CNIH3: variants seen among roughly 807,000 people sequenced by gnomAD.
CNIH3 encodes protein cornichon homolog 3.
CNIH3 carries 14 observed loss-of-function variants against 24.1 expected under a neutral mutation model. That is an observed-to-expected ratio of 0.58 (90% CI 0.38 to 0.91). The LOEUF is 0.91. CNIH3 is among the 40% of genes least tolerant of loss of function. CNIH3 has a pLI of 0.00. For synonymous variants in CNIH3, 68 were observed against 73.8 expected (o/e 0.92, Z 0.40); for missense variants, 178 against 196.8 (o/e 0.90, Z 0.57).
chr1:224,485,778 T>C (rs1677004840), intron 1 of CNIH3, among the ~76,000 whole-genome samples: 1 of 152,182 alleles, frequency 6.6e-6, no homozygotes. Flanking sequence ...CTTCTTTCTT[T>C]TAAAACTTTA....
At chr1:224,573,540 G>C (rs539528681) in intron 4 of CNIH3, among the ~76,000 whole-genome samples, 55 of 152,302 alleles carry the variant, frequency 3.6e-4, no homozygotes, top group African/African-American at 1.1e-3. Context: ...GTCCAAGAAA[G>C]GTCCTTTTCT....
intron 1 of CNIH3, chr1:224,661,175 G>T (rs1685333209): frequency 8.1e-6 from 2 of 246,612 alleles, no homozygotes; most frequent in South Asian, 1.4e-4. Flanking sequence ...TTGAATTCCT[G>T]GTTATCCAAG....
At chr1:224,641,331 C>T (rs1236202850) in intron 1 of CNIH3, among the ~76,000 whole-genome samples, 3 of 152,238 alleles carry the variant, frequency 2.0e-5, no homozygotes, top group Non-Finnish European at 4.4e-5. Context: ...CTAAGCTTGA[C>T]ATGTATGACT....
At chr1:224,478,895 G>A (rs377557657) in intron 1 of CNIH3, among the ~76,000 whole-genome samples, 28 of 152,122 alleles carry the variant, frequency 1.8e-4, no homozygotes, top group African/African-American at 5.8e-4. Flanking sequence ...AAGAGCTTGT[G>A]CAGAAAAACT....
intron 3 of CNIH3, among the ~76,000 whole-genome samples, chr1:224,561,053 C>G (rs1170320542): frequency 6.6e-6 from 1 of 152,150 alleles, no homozygotes; most frequent in Non-Finnish European, 1.5e-5. Flanking sequence ...GTTTGAGTTT[C>G]TTACCCTTTG....
chr1:224,642,252 G>A (rs1684398477), intron 1 of CNIH3, among the ~76,000 whole-genome samples: 1 of 152,010 alleles, frequency 6.6e-6, no homozygotes. Flanking sequence ...TTCCTTGAGG[G>A]TAGGGTCTTG....
At chr1:224,506,285 G>GCACACACACACA (rs61334962) in intron 1 of CNIH3, among the ~76,000 whole-genome samples, 39 of 143,720 alleles carry the variant, frequency 2.7e-4, no homozygotes, top group African/African-American at 1.0e-3. Flanking sequence ...GCGCGCGCGC[G>GCACACACACACA]CGCACACACA....
intron 1 of CNIH3, among the ~76,000 whole-genome samples, chr1:224,507,459 G>A (rs1030934894): frequency 7.2e-5 from 11 of 152,136 alleles, no homozygotes; most frequent in African/African-American, 2.7e-4. Context: ...TATTTTTAAG[G>A]TGATTAAAAT....
In CNIH3 at chr1:224,604,623, G is replaced by A. The variant is rs1682339792; in HGVS notation, n.402+38359G>A. Among the ~76,000 whole-genome samples, 1 of 152,230 alleles carries A rather than the reference G, an allele frequency of 6.6e-6. No individual in the cohort carries two copies. The highest frequency in any genetic ancestry group is 2.4e-5 in the African/African-American group (1 of 41,458). On this transcript the variant is annotated intron_variant and non_coding_transcript_variant, in intron 3 of 7. Coordinates refer to the CNIH3 transcript ENST00000478120. The surrounding 1 kb of genome is among the most constrained non-coding windows in gnomAD (Gnocchi z 4.4). ...ATGGGGCTCCCAGACTGTTTAGCTA[G>A]AGGAGAGCAGAAGGCCAGAGGTGAA...
intron 3 of CNIH3, among the ~76,000 whole-genome samples, chr1:224,686,321 A>G (rs1558292830): frequency 6.6e-6 from 1 of 151,978 alleles, no homozygotes; most frequent in Non-Finnish European, 1.5e-5. Context: ...CCATGTCCCT[A>G]CAAAGGACAT....
chr1:224,469,995 GTTCT>G (rs942023222), intron 1 of CNIH3, among the ~76,000 whole-genome samples: 1 of 151,544 alleles, frequency 6.6e-6, no homozygotes, highest in African/African-American at 2.4e-5. Flanking sequence ...AAACTTGGCA[GTTCT>G]TTCTTTCAGT....
Position 224,616,546 on chromosome 1 carries a change from C to A in CNIH3, c.-629C>A, listed in dbSNP as rs573341717. ...GGGCGCGCCTCGGAGCGCACGGCTG[C>A]GCTGGAAGCCGCGTCTGGGGCGCAG... On this transcript the variant is annotated 5_prime_UTR_variant, in exon 1 of 6. Coordinates refer to ENST00000272133, the MANE Select transcript of CNIH3 (RefSeq NM_152495.2). The A allele has an allele frequency of 1.9e-5, 19 of 986,800 alleles. No homozygotes were observed. The highest frequency in any genetic ancestry group is 5.2e-4 in the Middle Eastern group (1 of 1,918). 61.1% of individuals were successfully genotyped at this position (986,800 alleles called of 1,614,324 possible).
intron 1 of CNIH3, among the ~76,000 whole-genome samples, chr1:224,636,970 G>A (rs78720574): frequency 2.0e-5 from 1 of 50,646 alleles, no homozygotes. Context: ...TTTTTTTTTT[G>A]AGATGGAGTC....
chr1:224,637,299 C>T (rs1684137416), intron 1 of CNIH3, among the ~76,000 whole-genome samples: 1 of 152,088 alleles, frequency 6.6e-6, no homozygotes, highest in Non-Finnish European at 1.5e-5. Flanking sequence ...TCTGCGAGGT[C>T]CCCGCACACA....
intron 1 of CNIH3, among the ~76,000 whole-genome samples, chr1:224,473,493 A>G (rs1055954340): frequency 6.6e-6 from 1 of 152,244 alleles, no homozygotes; most frequent in Non-Finnish European, 1.5e-5. Flanking sequence ...AAAGAGCAAG[A>G]GTAGCTATAC....
At chr1:224,491,288 A>C (rs1383304086) in intron 1 of CNIH3, among the ~76,000 whole-genome samples, 1 of 152,154 alleles carries the variant, frequency 6.6e-6, no homozygotes, top group East Asian at 1.9e-4. Context: ...ATTCTTTACT[A>C]TCTGTAAAGC....
At chr1:224,568,647 A>G (rs1196010320) in intron 4 of CNIH3, among the ~76,000 whole-genome samples, 2 of 151,824 alleles carry the variant, frequency 1.3e-5, no homozygotes, top group African/African-American at 4.8e-5. Flanking sequence ...CCAGCTACTC[A>G]GGAGGCTGAG....
chr1:224,655,169 A>G (rs934494549), intron 1 of CNIH3, among the ~76,000 whole-genome samples: 3 of 146,998 alleles, frequency 2.0e-5, no homozygotes, highest in Non-Finnish European at 4.5e-5. Context: ...CATGGGAGCT[A>G]TAGTGGGTGG....
chr1:224,698,903 A>T (rs553081211), intron 3 of CNIH3, among the ~76,000 whole-genome samples: 2 of 152,172 alleles, frequency 1.3e-5, no homozygotes, highest in Non-Finnish European at 2.9e-5. Flanking sequence ...TGACTGCTAC[A>T]TGCTTTACAT....
Sources: gnomAD v4.1 joint callset for allele counts (sites outside exome capture counted in the v4.1 genomes callset) on GRCh38, gnomAD v4.1.1 for gene constraint, Gnocchi (gnomAD v3.1) non-coding constraint, MANE v1.5 for transcripts, NCBI Gene and HGNC (gene_info 2026-07-23, HGNC 2026-07-21) for gene names.